Variants in TUT4 observed in about 807,000 individuals in gnomAD.
TUT4 encodes terminal uridylyltransferase 4.
TUT4 carries 36 observed loss-of-function variants against 192.2 expected under a neutral mutation model. That is an observed-to-expected ratio of 0.19 (90% confidence interval 0.14 to 0.25). TUT4 has a LOEUF of 0.25. TUT4 is among the 10% of genes least tolerant of loss of function. The pLI, the probability that TUT4 is intolerant of heterozygous loss-of-function variation, is 1.00. For missense variants in TUT4, 1,493 were observed against 1,957.2 expected (o/e 0.76, Z 4.47); for synonymous variants, 618 against 666.0 (o/e 0.93, Z 1.11).
chr1:52,448,558 C>T (rs2148491398), intron 20 of TUT4, among the ~76,000 whole-genome samples: 1 of 129,394 alleles, frequency 7.7e-6, no homozygotes, highest in South Asian at 2.4e-4. Context: ...CACTACACTC[C>T]AGACTGGGTG....
intron 4 of TUT4, among the ~76,000 whole-genome samples, chr1:52,503,054 CCAGA>C (rs1486912000): frequency 6.6e-6 from 1 of 152,150 alleles, no homozygotes; most frequent in Non-Finnish European, 1.5e-5. Context: ...ATATTACTCC[CCAGA>C]TAGATACTAC....
rs1666689047 is a variant in TUT4, at chr1:52,474,837, C to T, written c.2722G>A (p.Gly908Ser). 6.3e-7 allele frequency: 1 copy of T among 1,594,498 alleles called. No individual in the cohort carries two copies. Among genetic ancestry groups the T allele is most frequent in the East Asian group, 2.2e-5 (1 of 44,642 alleles). Residue 908 changes from glycine (G) to serine (S), a missense_variant, in exon 13 of 30, where the codon GGC (glycine) becomes AGC (serine). Physicochemically the swap from Gly to Ser is moderately conservative, Grantham distance 56 (BLOSUM62 0). This residue lies in a region of TUT4 where 59 missense variants were observed against 114.3 expected (regional missense o/e 0.52). Coordinates refer to ENST00000257177, the MANE Select transcript of TUT4 (RefSeq NM_001009881.3). ...ATTTACAAACTGTATCCTACCTTGC[C>T]AGAGGTTAAAATAAACTTATCAAAC... ...YVFDKFILTS[G>S]KPPTIVCSIC...
At chr1:52,504,638 AC>A (rs1278099532) in intron 4 of TUT4, among the ~76,000 whole-genome samples, 10 of 152,202 alleles carry the variant, frequency 6.6e-5, no homozygotes, top group Non-Finnish European at 1.2e-4. Flanking sequence ...TTGAAAAAAA[AC>A]AAACATGTTA....
In TUT4 at chr1:52,503,002, G is replaced by A. The variant is rs531219440; in HGVS notation, c.1000-5819C>T. On this transcript the variant is annotated intron_variant, in intron 4 of 29. Coordinates refer to ENST00000257177, the MANE Select transcript of TUT4 (RefSeq NM_001009881.3). ...GAGTACCCACTATGGACCTGGCACCGTGCCAAGTGCTTTACAGATGTTATG... is the reference window on the plus strand; with the variant it reads ...GAGTACCCACTATGGACCTGGCACCATGCCAAGTGCTTTACAGATGTTATG... Among the ~76,000 whole-genome samples the A allele has an allele frequency of 5.9e-5, 9 of 152,202 alleles. No individual in the cohort carries two copies. In the South Asian group the frequency reaches 1.5e-3, roughly 25 times the overall value.
intron 14 of TUT4, 38 bp downstream of exon 14, chr1:52,471,914 G>A (rs542769340): frequency 1.3e-6 from 2 of 1,542,620 alleles, no homozygotes; most frequent in Admixed American, 2.0e-5. Flanking sequence ...ATCTAAGAAG[G>A]AATCTAGTCC....
In TUT4 at chr1:52,461,783, C is replaced by G; in HGVS notation, c.3070-14G>C. On this transcript the variant is annotated splice_polypyrimidine_tract_variant and intron_variant, in intron 16 of 29. Transcript: ENST00000257177. ...ACAATTTAATTTCTAAAAAACAAAT[C>G]AAATAAATAAGTTTGACTCAATTTC... 1 of 1,318,240 alleles carries G rather than the reference C, an allele frequency of 7.6e-7. No individual in the cohort carries two copies. The highest frequency in any genetic ancestry group is 1.0e-6 in the Non-Finnish European group (1 of 956,284). 81.7% of individuals were successfully genotyped at this position (1,318,240 alleles called of 1,614,324 possible).
At chr1:52,456,890 G>C (rs1661132043) in intron 20 of TUT4, among the ~76,000 whole-genome samples, 1 of 152,132 alleles carries the variant, frequency 6.6e-6, no homozygotes, top group African/African-American at 2.4e-5. Context: ...GTCAATGTAG[G>C]TTCATCAGTT....
intron 16 of TUT4, chr1:52,462,175 C>CTTTTTTTTTTTTTTTTTTTTTTTTT (rs1210058850): frequency 8.3e-6 from 1 of 121,060 alleles, no homozygotes; most frequent in Non-Finnish European, 1.7e-5. Flanking sequence ...GGATTCAAAT[C>CTTTTTTTTTTTTTTTTTTTTTTTTT]TTTTTTTTTT....
chr1:52,459,136 G>T (rs1161314316), intron 19 of TUT4, among the ~76,000 whole-genome samples: 1 of 151,232 alleles, frequency 6.6e-6, no homozygotes, highest in Non-Finnish European at 1.5e-5. Context: ...AAATAAAAAA[G>T]TTAGCCGGGT....
At chr1:52,479,397 T>C (rs1667906728) in intron 11 of TUT4, among the ~76,000 whole-genome samples, 1 of 152,116 alleles carries the variant, frequency 6.6e-6, no homozygotes, top group Non-Finnish European at 1.5e-5. Context: ...GTTAGGAGGC[T>C]ATAGTAGTAT....
chr1:52,516,387 T>C (rs1270360590), intron 2 of TUT4, among the ~76,000 whole-genome samples: 2 of 152,168 alleles, frequency 1.3e-5, no homozygotes, highest in African/African-American at 4.8e-5. Flanking sequence ...GAAGTCAATC[T>C]GATAAAAAAA....
Position 52,446,246 on chromosome 1 carries a change from A to T in TUT4, c.3691+19T>A. On this transcript the variant is annotated intron_variant, in intron 22 of 29. Coordinates refer to ENST00000257177, the MANE Select transcript of TUT4 (RefSeq NM_001009881.3). ...CCAAATTTTGGTTGCTCCTGAATTA[A>T]TATCAGCTTAAATGTTACCTTCAAT... 6.3e-7 allele frequency: 1 copy of T among 1,594,278 alleles called. No homozygotes were observed. The highest frequency in any genetic ancestry group is 8.5e-7 in the Non-Finnish European group (1 of 1,173,724).
In TUT4 at chr1:52,425,548, A is replaced by AG; in HGVS notation, c.4712-42dup. ...AGGGAAAAAGACATTTAAAAACATTAGTTCATTCATTGAAATATCCCTTCA... is the reference window on the plus strand; with the variant it reads ...AGGGAAAAAGACATTTAAAAACATTAGGTTCATTCATTGAAATATCCCTTCA... On this transcript the variant is annotated intron_variant, in intron 28 of 29. Coordinates refer to ENST00000257177, the MANE Select transcript of TUT4 (RefSeq NM_001009881.3). 3 of 1,560,534 alleles carry AG rather than the reference A, an allele frequency of 1.9e-6. No homozygotes were observed. The South Asian group carries it at 3.5e-5, about 18-fold the overall frequency.
intron 27 of TUT4, chr1:52,435,110 T>C: frequency 3.8e-6 from 1 of 263,896 alleles, no homozygotes; most frequent in Non-Finnish European, 7.1e-6. Context: ...TTTTAATCCA[T>C]CTTATTAGGT....
chr1:52,502,783 C>T (rs146698293), intron 4 of TUT4, among the ~76,000 whole-genome samples: 1,793 of 152,014 alleles, frequency 0.012, 38 homozygotes, highest in African/African-American at 0.041. Flanking sequence ...CCACCACGCC[C>T]AGCTAATTTT....
At chr1:52,505,051 T>C (rs1675160646) in intron 4 of TUT4, among the ~76,000 whole-genome samples, 1 of 152,204 alleles carries the variant, frequency 6.6e-6, no homozygotes, top group Admixed American at 6.5e-5. Context: ...GTTGTATAAA[T>C]ATCTCTTTGA....
At chr1:52,465,602 A>G (rs1663887398) in intron 15 of TUT4, among the ~76,000 whole-genome samples, 1 of 152,224 alleles carries the variant, frequency 6.6e-6, no homozygotes. Context: ...TAATAAATCC[A>G]TCTGCTTTTA....
chr1:52,512,632 A>G (rs1677502329), intron 3 of TUT4, among the ~76,000 whole-genome samples: 1 of 152,234 alleles, frequency 6.6e-6, no homozygotes, highest in African/African-American at 2.4e-5. Context: ...AAATACATAA[A>G]AAAAGTTAAA....
At chr1:52,512,064 T>A (rs1677320902) in intron 3 of TUT4, among the ~76,000 whole-genome samples, 2 of 152,092 alleles carry the variant, frequency 1.3e-5, no homozygotes, top group South Asian at 4.1e-4. Context: ...AGTCATGAAA[T>A]CAATCATATA....
Sources: gnomAD v4.1 joint callset for allele counts (sites outside exome capture counted in the v4.1 genomes callset) on GRCh38, gnomAD v4.1.1 for gene constraint, gnomAD v4.1.1 regional missense constraint, MANE v1.5 for transcripts, NCBI Gene and HGNC (gene_info 2026-07-23, HGNC 2026-07-21) for gene names.